SLC16A2: variants seen among roughly 807,000 people sequenced by gnomAD.
SLC16A2 encodes monocarboxylate transporter 8.
Under a neutral mutation model 27.2 loss-of-function variants are expected in SLC16A2, and 3 were observed. That is an observed-to-expected ratio of 0.11 (90% CI 0.05 to 0.28). The LOEUF is 0.28. Among genes scored for constraint, SLC16A2 ranks in the 10% least tolerant of loss-of-function variants. The pLI is 1.00. For synonymous variants in SLC16A2, 202 were observed against 187.8 expected (o/e 1.08, Z -0.62); for missense variants, 295 against 458.5 (o/e 0.64, Z 3.26).
chrX:74,479,483 T>A (rs754778198), intron 1 of SLC16A2, among the ~76,000 whole-genome samples: 5 of 112,492 alleles, frequency 4.4e-5, no homozygotes, highest in African/African-American at 1.6e-4. Flanking sequence ...TTCTCTCAAC[T>A]CGTCAAAGTC....
chrX:74,480,452 C>T (rs555698273), intron 1 of SLC16A2, among the ~76,000 whole-genome samples: 96 of 112,573 alleles, frequency 8.5e-4, no homozygotes, highest in African/African-American at 2.7e-3. Context: ...AAGCCTCGCC[C>T]GGCTTTGGCT....
At chrX:74,506,654 A>C (rs1025575140) in intron 1 of SLC16A2, among the ~76,000 whole-genome samples, 1 of 111,158 alleles carries the variant, frequency 9.0e-6, no homozygotes, top group African/African-American at 3.3e-5. Context: ...TCTAGGGCAG[A>C]AGGGAGATCT....
chrX:74,514,170 G>A (rs1424797647), intron 1 of SLC16A2, among the ~76,000 whole-genome samples: 4 of 109,151 alleles, frequency 3.7e-5, no homozygotes, highest in Admixed American at 9.9e-5. Flanking sequence ...AAGAAAAAAC[G>A]TAACAGAAAA....
chrX:74,475,661 G>C (rs1311781966), intron 1 of SLC16A2, among the ~76,000 whole-genome samples: 1 of 111,852 alleles, frequency 8.9e-6, no homozygotes, highest in Non-Finnish European at 1.9e-5. Context: ...TTTAGTATAA[G>C]GTGTAAGGAA....
At chrX:74,466,796 C>T (rs1230006478) in intron 1 of SLC16A2, among the ~76,000 whole-genome samples, 3 of 112,050 alleles carry the variant, frequency 2.7e-5, no homozygotes, top group Admixed American at 9.5e-5. Context: ...GTAAAAACAA[C>T]GTTGTCCTTC....
rs961844116 is a variant in SLC16A2, at chrX:74,500,549, C to T, written c.431-20441C>T. Among the ~76,000 whole-genome samples the T allele has an allele frequency of 3.6e-5, 4 of 111,281 alleles. No homozygotes were observed. The Admixed American group carries it at 3.8e-4, about 11-fold the overall frequency. On this transcript the variant is annotated intron_variant, in intron 1 of 5. Coordinates refer to ENST00000587091, the MANE Select transcript of SLC16A2 (RefSeq NM_006517.5). Reference sequence around the variant, plus strand: ...ATTTATAGTCTTTTATTCCTCGCCCCGCCACACTCTTCTCTGGAAGTCCCC... The same window carrying T: ...ATTTATAGTCTTTTATTCCTCGCCCTGCCACACTCTTCTCTGGAAGTCCCC...
At chrX:74,506,929 ATTTATTTATTTTTT>A (rs1163354380) in intron 1 of SLC16A2, among the ~76,000 whole-genome samples, 13 of 29,471 alleles carry the variant, frequency 4.4e-4, no homozygotes, top group South Asian at 1.5e-3. Context: ...TTATTTATTT[ATTTATTTATTTTTT>A]TTTTTTTGAG....
intron 1 of SLC16A2, chrX:74,473,314 C>T (rs1569290625): frequency 3.6e-6 from 2 of 551,556 alleles, no homozygotes; most frequent in Non-Finnish European, 6.4e-6. Flanking sequence ...GAAGCTTCCT[C>T]CACGACCACC....
At chrX:74,483,292 T>C (rs752053844) in intron 1 of SLC16A2, among the ~76,000 whole-genome samples, 37 of 111,646 alleles carry the variant, frequency 3.3e-4, no homozygotes, top group Non-Finnish European at 6.4e-4. Flanking sequence ...AGCCTCCACT[T>C]CTTAATTCCA....
intron 5 of SLC16A2, 52 bp from the exon 6 acceptor site, chrX:74,531,280 CT>C: frequency 9.2e-7 from 1 of 1,083,310 alleles, no homozygotes; most frequent in Admixed American, 2.2e-5. Flanking sequence ...CTGAGAGTAC[CT>C]TTGGACAGTA....
intron 1 of SLC16A2, among the ~76,000 whole-genome samples, chrX:74,425,660 C>A (rs1197565482): frequency 3.6e-5 from 4 of 110,611 alleles, no homozygotes; most frequent in Non-Finnish European, 7.6e-5. Flanking sequence ...GGCCCCAGCT[C>A]AATATTGGGA....
intron 4 of SLC16A2, among the ~76,000 whole-genome samples, 155 bp downstream of exon 4, chrX:74,526,048 A>G (rs1247461542): frequency 1.8e-5 from 2 of 112,351 alleles, no homozygotes; most frequent in Non-Finnish European, 3.8e-5. Flanking sequence ...TAAACAAAGA[A>G]AATCATCCTT....
At chrX:74,510,146 AT>A (rs1309621873) in intron 1 of SLC16A2, among the ~76,000 whole-genome samples, 1 of 111,552 alleles carries the variant, frequency 9.0e-6, no homozygotes, top group African/African-American at 3.3e-5. Flanking sequence ...GGGCCCTTTC[AT>A]TTTTAACATC....
At chrX:74,511,882 T>C (rs1930239509) in intron 1 of SLC16A2, among the ~76,000 whole-genome samples, 1 of 111,924 alleles carries the variant, frequency 8.9e-6, no homozygotes, top group African/African-American at 3.3e-5. Flanking sequence ...AGGGAAATAA[T>C]TAATAAATGA....
In SLC16A2 at chrX:74,421,781, G is replaced by C. The variant is rs1366211648; in HGVS notation, c.144G>C (p.Pro48=). Residue 48 remains proline (P), a synonymous_variant, in exon 1 of 6, where the codon CCG becomes CCC. Transcript: ENST00000587091. ...EPEPEPVPVP[P]PEPQPEPQPL... is the part of the protein sequence containing the mutation. Reference sequence around the variant, plus strand: ...AGCCCGAGCCCGTGCCAGTGCCCCCGCCCGAGCCCCAGCCGGAGCCCCAGC... The same window carrying C: ...AGCCCGAGCCCGTGCCAGTGCCCCCCCCCGAGCCCCAGCCGGAGCCCCAGC... The C allele has an allele frequency of 3.5e-6, 4 of 1,145,825 alleles. No homozygotes were observed. The Admixed American group carries it at 1.0e-4, about 29-fold the overall frequency. 94.4% of individuals were successfully genotyped at this position (1,145,825 alleles called of 1,213,427 possible).
chrX:74,475,664 G>A (rs911469688), intron 1 of SLC16A2, among the ~76,000 whole-genome samples: 1 of 111,904 alleles, frequency 8.9e-6, no homozygotes, highest in Non-Finnish European at 1.9e-5. Flanking sequence ...AGTATAAGGT[G>A]TAAGGAAGGG....
intron 1 of SLC16A2, among the ~76,000 whole-genome samples, chrX:74,515,134 A>G (rs774909869): frequency 1.8e-3 from 198 of 112,658 alleles, no homozygotes; most frequent in Non-Finnish European, 3.1e-3. Flanking sequence ...AAAATGCTTT[A>G]ACAAATCATT....
At chrX:74,474,981 T>C (rs1205703677) in intron 1 of SLC16A2, among the ~76,000 whole-genome samples, 3 of 111,533 alleles carry the variant, frequency 2.7e-5, no homozygotes, top group Non-Finnish European at 5.7e-5. Context: ...TTATAATCCT[T>C]TGGGTATATA....
intron 1 of SLC16A2, among the ~76,000 whole-genome samples, chrX:74,480,445 C>T (rs1929592113): frequency 8.9e-6 from 1 of 112,641 alleles, no homozygotes; most frequent in African/African-American, 3.2e-5. Context: ...TGAGGCAAAG[C>T]CTCGCCCGGC....
Sources: allele counts gnomAD v4.1 joint callset (sites outside exome capture counted in the v4.1 genomes callset), GRCh38; gene constraint gnomAD v4.1.1; transcripts MANE v1.5; gene names NCBI Gene and HGNC (gene_info 2026-07-23, HGNC 2026-07-21).